The following CFAP299 variants were observed in gnomAD, a reference collection of about 807,000 sequenced individuals.
The protein encoded by CFAP299 is cilia and flagella associated protein 299.
A neutral mutation model predicts 27.0 loss-of-function variants in CFAP299; 21 were observed. The observed-to-expected ratio is 0.78, with a 90% CI of 0.55 to 1.12. The LOEUF is 1.12. Ranked by LOEUF, CFAP299 falls within the 50% of genes most tolerant of loss-of-function variation. The pLI, the probability that CFAP299 is intolerant of heterozygous loss-of-function variation, is 0.00. For synonymous variants in CFAP299, 104 were observed against 98.1 expected (o/e 1.06, Z -0.36); for missense variants, 310 against 276.6 (o/e 1.12, Z -0.86).
At chr4:80,390,954 TGTATATATGTATATATGTATGTACACAC>T (rs1473424775) in intron 2 of CFAP299, among the ~76,000 whole-genome samples, 516 of 30,700 alleles carry the variant, frequency 0.017, 1 homozygote, top group Middle Eastern at 0.047. Flanking sequence ...TGTACACACA[TGTATATATGTATATATGTATGTACACAC>T]ATGTATATAT....
chr4:80,706,793 G>A (rs1721845773), intron 3 of CFAP299, among the ~76,000 whole-genome samples: 2 of 152,010 alleles, frequency 1.3e-5, no homozygotes, highest in Middle Eastern at 3.4e-3. Flanking sequence ...TTCTGTATCT[G>A]ATTAGATATA....
intron 2 of CFAP299, among the ~76,000 whole-genome samples, chr4:80,507,529 T>G (rs1732094177): frequency 6.7e-6 from 1 of 148,582 alleles, no homozygotes; most frequent in South Asian, 2.1e-4. Context: ...CTTGGATCTT[T>G]TATAAGTCTT....
intron 2 of CFAP299, among the ~76,000 whole-genome samples, chr4:80,502,006 C>T (rs1224254863): frequency 5.3e-5 from 8 of 151,986 alleles, no homozygotes; most frequent in Admixed American, 2.0e-4. Flanking sequence ...TTCTTAGTTA[C>T]GGATGATTAC....
intron 2 of CFAP299, among the ~76,000 whole-genome samples, chr4:80,476,693 A>C (rs372677777): frequency 8.5e-5 from 13 of 152,148 alleles, no homozygotes; most frequent in African/African-American, 3.1e-4. Flanking sequence ...TGTGTCAGTT[A>C]TACAGAAACT....
At chr4:80,767,962 T>C (rs1384707750) in intron 3 of CFAP299, among the ~76,000 whole-genome samples, 1 of 152,236 alleles carries the variant, frequency 6.6e-6, no homozygotes, top group African/African-American at 2.4e-5. Flanking sequence ...AAATTAATAT[T>C]AGTGTTGATA....
rs56034497 is a variant in CFAP299, at chr4:80,836,705, T to C, written c.334-33288T>C. Among the ~76,000 whole-genome samples, 915 of 152,236 alleles carry C rather than the reference T, an allele frequency of 6.0e-3. 6 individuals are homozygous for C. Among genetic ancestry groups the C allele is most frequent in the African/African-American group, 0.021 (861 of 41,550 alleles). On this transcript the variant is annotated intron_variant, in intron 3 of 5. Transcript: ENST00000358105. ...ATCCCTTATGTCAAGGAAAGTGACA[T>C]ATTTAGAGGTTCTGGAGATTAGGAT...
At chr4:80,425,717 A>G (rs1727498598) in intron 2 of CFAP299, among the ~76,000 whole-genome samples, 1 of 152,208 alleles carries the variant, frequency 6.6e-6, no homozygotes, top group African/African-American at 2.4e-5. Flanking sequence ...AATGTACTGA[A>G]TTTTAATCAC....
rs2110032997 is a variant in CFAP299 at position 80,707,219 on chromosome 4, G to C, written c.333+124036G>C. 1.3e-5 allele frequency among the ~76,000 whole-genome samples: 2 copies of C among 151,910 alleles called. 1 individual carries two copies. The highest frequency in any genetic ancestry group is 4.2e-4 in the South Asian group (2 of 4,816). ...GGCTGGAATATTATGACAGCCTGTG[G>C]GCCAAATCTCTTTCTTCTGCTACCT... On this transcript the variant is annotated intron_variant, in intron 3 of 5. Coordinates refer to ENST00000358105, the MANE Select transcript of CFAP299 (RefSeq NM_152770.3).
intron 3 of CFAP299, among the ~76,000 whole-genome samples, chr4:80,825,950 T>C (rs985771137): frequency 6.6e-6 from 1 of 151,952 alleles, no homozygotes; most frequent in Non-Finnish European, 1.5e-5. Flanking sequence ...ACTAGTATTA[T>C]TGTAACTTTG....
chr4:80,890,217 T>C (rs1734193254), intron 4 of CFAP299, among the ~76,000 whole-genome samples: 1 of 152,122 alleles, frequency 6.6e-6, no homozygotes, highest in South Asian at 2.1e-4. Context: ...TATGATCTCA[T>C]ACTTGGAAAA....
At chr4:80,705,842 G>C (rs1343985143) in intron 3 of CFAP299, among the ~76,000 whole-genome samples, 1 of 151,818 alleles carries the variant, frequency 6.6e-6, no homozygotes, top group Non-Finnish European at 1.5e-5. Flanking sequence ...TGATAAAGTG[G>C]TGACATGGAA....
chr4:80,583,876 C>G (rs1440425979), intron 3 of CFAP299, among the ~76,000 whole-genome samples: 1 of 151,714 alleles, frequency 6.6e-6, no homozygotes, highest in Non-Finnish European at 1.5e-5. Context: ...GAAAAATAAT[C>G]AGAAATAGTG....
At chr4:80,386,233 G>A (rs1560540447) in intron 2 of CFAP299, 7 of 1,062,162 alleles carry the variant, frequency 6.6e-6, no homozygotes, top group Admixed American at 2.1e-5. Context: ...TGGGCCCTCG[G>A]CCCCGGCCTG....
At chr4:80,805,199 A>G (rs1728802156) in intron 3 of CFAP299, among the ~76,000 whole-genome samples, 1 of 152,038 alleles carries the variant, frequency 6.6e-6, no homozygotes. Flanking sequence ...TAGGTTTTAT[A>G]TTTAAAAGAA....
intron 3 of CFAP299, among the ~76,000 whole-genome samples, chr4:80,773,798 T>C (rs2110085696): frequency 6.6e-6 from 1 of 152,088 alleles, no homozygotes; most frequent in Admixed American, 6.5e-5. Context: ...CTTTTAGAAA[T>C]TGTAATTTCT....
intron 3 of CFAP299, among the ~76,000 whole-genome samples, chr4:80,654,221 G>T (rs1371034932): frequency 6.6e-6 from 1 of 152,004 alleles, no homozygotes; most frequent in Admixed American, 6.6e-5. Context: ...CTTTTTAATT[G>T]CCTGTGTTCA....
intron 5 of CFAP299, among the ~76,000 whole-genome samples, chr4:80,945,440 G>GTCTCATGA (rs1737424651): frequency 6.6e-6 from 1 of 152,142 alleles, no homozygotes; most frequent in Non-Finnish European, 1.5e-5. Flanking sequence ...TTAAAGACAT[G>GTCTCATGA]TCTCATGATA....
At chr4:80,892,481 G>A (rs1183333658) in intron 4 of CFAP299, among the ~76,000 whole-genome samples, 1 of 151,990 alleles carries the variant, frequency 6.6e-6, no homozygotes, top group African/African-American at 2.4e-5. Flanking sequence ...ACAAGCACAG[G>A]CAACCAAAAC....
intron 4 of CFAP299, among the ~76,000 whole-genome samples, chr4:80,934,817 T>C (rs1736807554): frequency 6.6e-6 from 1 of 152,044 alleles, no homozygotes; most frequent in Non-Finnish European, 1.5e-5. Context: ...ACTTTATTTA[T>C]CTTTTCTAAC....
Sources: allele counts gnomAD v4.1 joint callset (sites outside exome capture counted in the v4.1 genomes callset), GRCh38; gene constraint gnomAD v4.1.1; transcripts MANE v1.5; gene names NCBI Gene and HGNC (gene_info 2026-07-23, HGNC 2026-07-21).